CSMD1: variants seen among roughly 807,000 people sequenced by gnomAD.
CSMD1 encodes CUB and Sushi multiple domains 1.
In CSMD1, 213 loss-of-function variants were observed where a neutral mutation model predicts 417.5. The ratio of observed to expected loss-of-function variants is 0.51; its 90% CI spans 0.46 to 0.57. CSMD1 has a LOEUF of 0.57. CSMD1 is among the 20% of genes least tolerant of loss of function. The pLI is 0.00. For missense variants in CSMD1, 6,923 were observed against 4,529.7 expected (o/e 1.53, Z -15.17); for synonymous variants, 2,862 against 1,736.8 (o/e 1.65, Z -16.11).
At chr8:4,836,430 G>T (rs767470373) in intron 1 of CSMD1, among the ~76,000 whole-genome samples, 11 of 152,178 alleles carry the variant, frequency 7.2e-5, no homozygotes, top group Admixed American at 7.2e-4. Flanking sequence ...AGGGGGAAGA[G>T]ATTTGTCCAA....
At chr8:3,790,938 C>T (rs761467840) in intron 5 of CSMD1, among the ~76,000 whole-genome samples, 1 of 152,092 alleles carries the variant, frequency 6.6e-6, no homozygotes, top group Non-Finnish European at 1.5e-5. Flanking sequence ...CAGATGACAC[C>T]TGTCATTTTA....
intron 7 of CSMD1, among the ~76,000 whole-genome samples, chr8:3,696,424 A>C (rs2129035106): frequency 6.6e-6 from 1 of 152,320 alleles, no homozygotes; most frequent in South Asian, 2.1e-4. Context: ...TCTCTGACAT[A>C]AGCTACCATG....
chr8:4,962,615 C>T (rs977629029), intron 1 of CSMD1, among the ~76,000 whole-genome samples: 2 of 152,056 alleles, frequency 1.3e-5, no homozygotes, highest in African/African-American at 4.8e-5. Flanking sequence ...CCCCAGATGC[C>T]AGTATTTCTA....
At chr8:4,058,055 T>C (rs1798788933) in intron 3 of CSMD1, among the ~76,000 whole-genome samples, 2 of 152,104 alleles carry the variant, frequency 1.3e-5, no homozygotes, top group Non-Finnish European at 2.9e-5. Context: ...AAGTAGTTTT[T>C]TCCAATTCTG....
At chr8:4,528,954 G>A (rs1796660884) in intron 2 of CSMD1, among the ~76,000 whole-genome samples, 3 of 152,162 alleles carry the variant, frequency 2.0e-5, no homozygotes, top group Admixed American at 1.3e-4. Context: ...GGAACATACT[G>A]TATTTTTGTT....
At chr8:3,919,061 T>A (rs542321283) in intron 5 of CSMD1, among the ~76,000 whole-genome samples, 2 of 152,084 alleles carry the variant, frequency 1.3e-5, no homozygotes, top group East Asian at 3.9e-4. Flanking sequence ...TGTAAAAATT[T>A]TCTCCCATTC....
At chr8:3,924,841 G>C (rs867514810) in intron 5 of CSMD1, among the ~76,000 whole-genome samples, 1 of 151,852 alleles carries the variant, frequency 6.6e-6, no homozygotes, top group Non-Finnish European at 1.5e-5. Flanking sequence ...TAATTTTTTT[G>C]TCAGGCGGTT....
At chr8:4,228,182 T>G (rs968295984) in intron 3 of CSMD1, among the ~76,000 whole-genome samples, 24 of 152,202 alleles carry the variant, frequency 1.6e-4, no homozygotes, top group African/African-American at 5.3e-4. Flanking sequence ...CCACCCTGCA[T>G]GCAATCCCAC....
chr8:3,759,394 C>G (rs147143782), intron 5 of CSMD1, among the ~76,000 whole-genome samples: 2,332 of 152,202 alleles, frequency 0.015, 24 homozygotes, highest in South Asian at 0.028. Flanking sequence ...AGTTTAAACC[C>G]TTTATAAAAC....
At chr8:4,358,152 C>T (rs1801540619) in intron 3 of CSMD1, among the ~76,000 whole-genome samples, 1 of 152,156 alleles carries the variant, frequency 6.6e-6, no homozygotes, top group Non-Finnish European at 1.5e-5. Context: ...AATTTCCATG[C>T]ATGCAAAATT....
intron 5 of CSMD1, among the ~76,000 whole-genome samples, chr8:3,775,909 T>C (rs1186159630): frequency 6.6e-6 from 1 of 152,212 alleles, no homozygotes; most frequent in African/African-American, 2.4e-5. Flanking sequence ...CTCAATGAGC[T>C]CCTCCAGTCT....
chr8:4,803,591 T>C (rs1014211749), intron 1 of CSMD1, among the ~76,000 whole-genome samples: 1 of 152,204 alleles, frequency 6.6e-6, no homozygotes, highest in African/African-American at 2.4e-5. Flanking sequence ...GATTCTACTA[T>C]TGTTTTGTAG....
chr8:4,009,865 G>C (rs1816410127), intron 4 of CSMD1, among the ~76,000 whole-genome samples: 1 of 151,888 alleles, frequency 6.6e-6, no homozygotes, highest in African/African-American at 2.4e-5. Flanking sequence ...CATTAAGAGG[G>C]TACTCTCGTA....
intron 3 of CSMD1, among the ~76,000 whole-genome samples, chr8:4,124,087 G>T (rs532015780): frequency 2.0e-5 from 3 of 151,014 alleles, no homozygotes; most frequent in African/African-American, 7.3e-5. Flanking sequence ...ACAGAACAAC[G>T]AAGAAAAAAA....
At chr8:3,649,845 G>A (rs1021893099) in intron 7 of CSMD1, among the ~76,000 whole-genome samples, 1 of 152,172 alleles carries the variant, frequency 6.6e-6, no homozygotes, top group African/African-American at 2.4e-5. Context: ...TACCTTGCTA[G>A]ATGTTTTCTC....
intron 1 of CSMD1, among the ~76,000 whole-genome samples, chr8:4,938,319 A>G (rs1328148604): frequency 2.0e-5 from 3 of 152,180 alleles, no homozygotes; most frequent in Admixed American, 1.3e-4. Context: ...TTTAACTGCA[A>G]TGAGTTCATA....
At chr8:4,402,801 TTTTTTTTTTTTTTTTTTTTC>T (rs568802285) in intron 3 of CSMD1, among the ~76,000 whole-genome samples, 27,840 of 85,014 alleles carry the variant, frequency 0.33, 3,218 homozygotes, top group Non-Finnish European at 0.36. Flanking sequence ...CACTTTTTTC[TTTTTTTTTTTTTTTTTTTTC>T]TTTTTTTTTT....
At chr8:3,156,339 G>C (rs1379409432) in intron 39 of CSMD1, among the ~76,000 whole-genome samples, 1 of 152,164 alleles carries the variant, frequency 6.6e-6, no homozygotes, top group Non-Finnish European at 1.5e-5. Context: ...TAATGATCCA[G>C]GCTCTCTGAT....
At chr8:4,069,503 G>A (rs182991655) in intron 3 of CSMD1, among the ~76,000 whole-genome samples, 5 of 152,288 alleles carry the variant, frequency 3.3e-5, no homozygotes, top group African/African-American at 1.2e-4. Context: ...CAGACAGCCT[G>A]ACATTTGCTA....
Sources: gnomAD v4.1 joint callset for allele counts (sites outside exome capture counted in the v4.1 genomes callset) on GRCh38, gnomAD v4.1.1 for gene constraint, MANE v1.5 for transcripts, NCBI Gene and HGNC (gene_info 2026-07-23, HGNC 2026-07-21) for gene names.